Variants in TMEM167A observed in about 807,000 individuals in gnomAD.
TMEM167A encodes the protein transmembrane protein 167A, also known as protein kish-A.
In TMEM167A, 8 loss-of-function variants were observed where a neutral mutation model predicts 11.6. The ratio of observed to expected loss-of-function variants is 0.69; its 90% CI spans 0.40 to 1.24. TMEM167A has a LOEUF of 1.24. Among genes scored for constraint, TMEM167A ranks in the 50% most tolerant of loss-of-function variants. TMEM167A has a pLI of 0.01. For missense variants in TMEM167A, 62 were observed against 87.0 expected (o/e 0.71, Z 1.14); for synonymous variants, 22 against 28.0 (o/e 0.79, Z 0.67).
Position 83,077,313 on chromosome 5 carries a change from C to G in TMEM167A, c.3+8G>C. ...GATCAACCGCGACCTGGGAGCCCCACTTCTTACCATAGCGAGGCCGGCGAT... is the reference window on the plus strand; with the variant it reads ...GATCAACCGCGACCTGGGAGCCCCAGTTCTTACCATAGCGAGGCCGGCGAT... On this transcript the variant is annotated splice_region_variant and intron_variant, in intron 1 of 3. Transcript: ENST00000502346. 1 of 1,614,208 alleles carries G rather than the reference C, an allele frequency of 6.2e-7. No individual in the cohort carries two copies. The highest frequency in any genetic ancestry group is 2.2e-5 in the East Asian group (1 of 44,876).
At chr5:83,073,182 G>A (rs1324056110) in intron 1 of TMEM167A, among the ~76,000 whole-genome samples, 4 of 152,134 alleles carry the variant, frequency 2.6e-5, no homozygotes, top group Admixed American at 6.5e-5. Flanking sequence ...TTGGCTCTCC[G>A]CATCTGTTTC....
intron 2 of TMEM167A, among the ~76,000 whole-genome samples, chr5:83,062,902 C>A (rs1431739823): frequency 6.9e-6 from 1 of 144,872 alleles, no homozygotes; most frequent in Non-Finnish European, 1.5e-5. Context: ...ATCATTACAT[C>A]TGAATGGGTA....
chr5:83,074,764 T>A lies in TMEM167A; in HGVS notation c.3+2557A>T, dbSNP rs188436344. ...CTTGAAGACACTGAGCATGTTTGTATCCCCAGACTCTTTTTTTTTTTTTGA... is the reference window on the plus strand; with the variant it reads ...CTTGAAGACACTGAGCATGTTTGTAACCCCAGACTCTTTTTTTTTTTTTGA... On this transcript the variant is annotated intron_variant, in intron 1 of 3. Transcript: ENST00000502346. Among the ~76,000 whole-genome samples the A allele has an allele frequency of 4.8e-4, 67 of 140,588 alleles. No individual in the cohort carries two copies. The East Asian group carries it at 0.01, about 21-fold the overall frequency. 92.2% of individuals were successfully genotyped at this position (140,588 alleles called of 152,430 possible).
rs1359154981 is a variant in TMEM167A at position 83,053,673 on chromosome 5, TTA to T, written c.*3409_*3410del. 6.6e-6 allele frequency: 1 copy of T among 152,008 alleles called. No homozygotes were observed. The highest frequency in any genetic ancestry group is 1.5e-5 in the Non-Finnish European group (1 of 67,952). 9.4% of individuals were successfully genotyped at this position (152,008 alleles called of 1,614,324 possible). A position where few individuals can be genotyped will look rare whatever the true frequency, so the allele number is the denominator to read the frequency against. ...CTAACCTTTGCCTACCTTTCTAGGCTTATGTCTTAATACTCCCGAAGTGGCAC... is the reference window on the plus strand; with the variant it reads ...CTAACCTTTGCCTACCTTTCTAGGCTTGTCTTAATACTCCCGAAGTGGCAC... On this transcript the variant is annotated 3_prime_UTR_variant, in exon 4 of 4. Transcript: ENST00000502346.
chr5:83,058,255 C>T (rs1428484692), intron 3 of TMEM167A, among the ~76,000 whole-genome samples: 3 of 151,992 alleles, frequency 2.0e-5, no homozygotes, highest in Non-Finnish European at 4.4e-5. Context: ...CCTCACACTG[C>T]CATATTATTG....
Position 83,055,230 on chromosome 5 carries a change from C to T in TMEM167A, c.*1854G>A, listed in dbSNP as rs1181880687. On this transcript the variant is annotated 3_prime_UTR_variant, in exon 4 of 4. Transcript: ENST00000502346. ...TTTCCACCTACCTCCTCTGAGATGC[C>T]AAATTAAGAAATGTCTTAGAATATC... 6.6e-6 allele frequency: 1 copy of T among 151,906 alleles called. No individual in the cohort carries two copies. Among genetic ancestry groups the T allele is most frequent in the Non-Finnish European group, 1.5e-5 (1 of 67,918 alleles). 9.4% of individuals were successfully genotyped at this position (151,906 alleles called of 1,614,324 possible). A position where few individuals can be genotyped will look rare whatever the true frequency, so the allele number is the denominator to read the frequency against.
intron 1 of TMEM167A, among the ~76,000 whole-genome samples, chr5:83,072,653 C>T (rs548670128): frequency 2.3e-4 from 35 of 152,140 alleles, no homozygotes; most frequent in Non-Finnish European, 2.9e-4. Context: ...CTCAGCCTCC[C>T]GAGCAGCTGG....
chr5:83,061,354 C>T (rs781248697), intron 3 of TMEM167A, among the ~76,000 whole-genome samples: 2 of 152,154 alleles, frequency 1.3e-5, no homozygotes, highest in Non-Finnish European at 2.9e-5. Flanking sequence ...TATTTGATAT[C>T]TAAATTAGAA....
At chr5:83,066,544 T>C (rs1744483671) in intron 1 of TMEM167A, among the ~76,000 whole-genome samples, 1 of 152,034 alleles carries the variant, frequency 6.6e-6, no homozygotes, top group Non-Finnish European at 1.5e-5. Context: ...AGCTAAAATA[T>C]CTAGGAATAA....
At chr5:83,074,144 A>C (rs1338669935) in intron 1 of TMEM167A, among the ~76,000 whole-genome samples, 1 of 152,222 alleles carries the variant, frequency 6.6e-6, no homozygotes, top group Non-Finnish European at 1.5e-5. Flanking sequence ...ATCTGGCCCC[A>C]ATCTTTCTAG....
chr5:83,074,646 C>G (rs183991568), intron 1 of TMEM167A, among the ~76,000 whole-genome samples: 2 of 152,300 alleles, frequency 1.3e-5, no homozygotes, highest in Non-Finnish European at 2.9e-5. Flanking sequence ...TAAACCCATG[C>G]TCTCTCTACT....
Position 83,069,492 on chromosome 5 carries a change from C to A in TMEM167A, c.4-4375G>T, listed in dbSNP as rs547585495. Among the ~76,000 whole-genome samples, 299 of 151,780 alleles carry A rather than the reference C, an allele frequency of 2.0e-3. 1 individual carries two copies. Among genetic ancestry groups the A allele is most frequent in the Middle Eastern group, 3.4e-3 (1 of 292 alleles). On this transcript the variant is annotated intron_variant, in intron 1 of 3. Coordinates refer to ENST00000502346, the MANE Select transcript of TMEM167A (RefSeq NM_174909.5). The stretch of plus-strand genomic sequence containing the variant: ...TTACCTTGTTTAATTTTTTTCAGGG[C>A]CTTTAAGTCATGAAACCTTTTCCAA...
chr5:83,057,104 T>C lies in TMEM167A; in HGVS notation c.199A>G (p.Ser67Gly), dbSNP rs1478016063. ...CCCAGCTACTGTATGAAGAGGATGC[T>C]GAAGGCCATTACTATACAGCATACT... Reference protein sequence around the residue: ...VAVCCIVMAFSILFIQ With the variant: ...VAVCCIVMAFGILFIQ Residue 67 changes from serine to glycine, a missense_variant, in exon 4 of 4, where the codon AGC (serine) becomes GGC (glycine). Transcript: ENST00000502346. 1 of 1,612,084 alleles carries C rather than the reference T, an allele frequency of 6.2e-7. No homozygotes were observed.
Position 83,069,667 on chromosome 5 carries a change from C to T in TMEM167A, c.4-4550G>A, listed in dbSNP as rs111599636. ...AGCAGAGTCAGGATTTTTGTATGTG[C>T]ATAATACATACACATAACAATGTGT... On this transcript the variant is annotated intron_variant, in intron 1 of 3. Transcript: ENST00000502346. Among the ~76,000 whole-genome samples the T allele has an allele frequency of 1.2e-4, 19 of 152,116 alleles. No individual in the cohort carries two copies. The East Asian group carries it at 3.5e-3, about 28-fold the overall frequency.
At chr5:83,060,441 T>G (rs902675461) in intron 3 of TMEM167A, among the ~76,000 whole-genome samples, 1 of 151,640 alleles carries the variant, frequency 6.6e-6, no homozygotes, top group Admixed American at 6.6e-5. Context: ...ATAAGAAATA[T>G]TCAATTTCAG....
At chr5:83,063,509 T>G (rs1397513840) in intron 2 of TMEM167A, among the ~76,000 whole-genome samples, 5 of 152,158 alleles carry the variant, frequency 3.3e-5, no homozygotes, top group African/African-American at 1.2e-4. Context: ...AAGGTCTTTT[T>G]GGGTCTAATA....
At chr5:83,072,822 A>G (rs372600661) in intron 1 of TMEM167A, among the ~76,000 whole-genome samples, 2 of 152,184 alleles carry the variant, frequency 1.3e-5, no homozygotes, top group African/African-American at 4.8e-5. Context: ...AGAGAAGATC[A>G]GCACCCACAT....
intron 3 of TMEM167A, among the ~76,000 whole-genome samples, chr5:83,058,539 A>C (rs1744364248): frequency 6.6e-6 from 1 of 152,074 alleles, no homozygotes; most frequent in African/African-American, 2.4e-5. Context: ...CCAAGTCACC[A>C]AACAAAACAA....
At chr5:83,074,670 T>G (rs1744612347) in intron 1 of TMEM167A, among the ~76,000 whole-genome samples, 1 of 152,240 alleles carries the variant, frequency 6.6e-6, no homozygotes, top group South Asian at 2.1e-4. Context: ...TGTGTTGTCT[T>G]GCTACAACAT....
Sources: allele counts gnomAD v4.1 joint callset (sites outside exome capture counted in the v4.1 genomes callset), GRCh38; gene constraint gnomAD v4.1.1; transcripts MANE v1.5; gene names NCBI Gene and HGNC (gene_info 2026-07-23, HGNC 2026-07-21).